Variants in ZNF385D observed in about 807,000 individuals in gnomAD.
The protein encoded by ZNF385D is zinc finger protein 659.
Under a neutral mutation model 35.8 loss-of-function variants are expected in ZNF385D, and 15 were observed. The observed-to-expected ratio is 0.42, with a 90% confidence interval of 0.28 to 0.64. The LOEUF (loss-of-function observed/expected upper bound fraction) is 0.64. Among genes scored for constraint, ZNF385D ranks in the 30% least tolerant of loss-of-function variants. The pLI is 0.23. For synonymous variants in ZNF385D, 212 were observed against 186.8 expected (o/e 1.13, Z -1.10); for missense variants, 474 against 494.6 (o/e 0.96, Z 0.39).
intron 2 of ZNF385D, among the ~76,000 whole-genome samples, chr3:22,202,550 C>A (rs945299994): frequency 1.3e-5 from 2 of 152,068 alleles, no homozygotes; most frequent in African/African-American, 4.8e-5. Context: ...CCAAATGGAA[C>A]AACTTTCTGT....
chr3:21,749,200 G>T (rs1260889507), intron 1 of ZNF385D, among the ~76,000 whole-genome samples: 1 of 152,100 alleles, frequency 6.6e-6, no homozygotes, highest in African/African-American at 2.4e-5. Flanking sequence ...ATTACACAAT[G>T]AAATTGATTA....
At chr3:21,923,935 G>A (rs1466348818) in intron 3 of ZNF385D, among the ~76,000 whole-genome samples, 1 of 152,048 alleles carries the variant, frequency 6.6e-6, no homozygotes, top group African/African-American at 2.4e-5. Context: ...TGTACCTCCT[G>A]AATTTAAAAT....
At chr3:22,133,354 T>C (rs1703912075) in intron 3 of ZNF385D, among the ~76,000 whole-genome samples, 1 of 151,990 alleles carries the variant, frequency 6.6e-6, no homozygotes, top group South Asian at 2.1e-4. Context: ...ACATAAACTC[T>C]CTATATCTCT....
chr3:21,971,807 G>A (rs1703277067), intron 3 of ZNF385D, among the ~76,000 whole-genome samples: 1 of 151,872 alleles, frequency 6.6e-6, no homozygotes. Flanking sequence ...AAAAGAGCAG[G>A]AGTGGCTATC....
At chr3:21,499,278 C>T (rs1374734472) in intron 4 of ZNF385D, among the ~76,000 whole-genome samples, 1 of 152,048 alleles carries the variant, frequency 6.6e-6, no homozygotes, top group Non-Finnish European at 1.5e-5. Flanking sequence ...TACATATACA[C>T]CATGGAATAC....
intron 3 of ZNF385D, among the ~76,000 whole-genome samples, chr3:21,944,831 T>C (rs907973138): frequency 2.0e-5 from 3 of 152,110 alleles, no homozygotes; most frequent in African/African-American, 7.2e-5. Context: ...GCAAATTCAT[T>C]GATGAATAAA....
chr3:21,564,321 A>AAAAT (rs894502273), intron 3 of ZNF385D, among the ~76,000 whole-genome samples: 13 of 152,276 alleles, frequency 8.5e-5, no homozygotes, highest in East Asian at 5.8e-4. Flanking sequence ...AAAAGACTAA[A>AAAAT]AAATAAATAA....
chr3:21,771,373 G>A (rs371641016), intron 3 of ZNF385D, among the ~76,000 whole-genome samples: 36 of 151,854 alleles, frequency 2.4e-4, no homozygotes, highest in Non-Finnish European at 3.8e-4. Flanking sequence ...CTGGGGAAAG[G>A]GGTAATAGAA....
At chr3:22,078,312 T>C (rs1700571568) in intron 3 of ZNF385D, among the ~76,000 whole-genome samples, 1 of 152,056 alleles carries the variant, frequency 6.6e-6, no homozygotes, top group Non-Finnish European at 1.5e-5. Context: ...AATGACTGCA[T>C]CGCATTGCAA....
intron 3 of ZNF385D, among the ~76,000 whole-genome samples, chr3:22,012,768 C>T (rs1436409563): frequency 1.3e-5 from 2 of 152,084 alleles, no homozygotes; most frequent in Admixed American, 1.3e-4. Flanking sequence ...GAACATTCTC[C>T]ATAAGCTGCT....
rs576509262 is a variant in ZNF385D, at chr3:21,702,408, G to C, written c.23-37380C>G. Reference sequence around the variant, plus strand: ...TAGGGTGCCACAGCACGGGAACCCTGGGCCCGGCCCATGAAACCACATTTT... The same window carrying C: ...TAGGGTGCCACAGCACGGGAACCCTCGGCCCGGCCCATGAAACCACATTTT... On this transcript the variant is annotated intron_variant, in intron 1 of 7. Coordinates refer to ENST00000281523, the MANE Select transcript of ZNF385D (RefSeq NM_024697.3). 5.9e-5 allele frequency among the ~76,000 whole-genome samples: 9 copies of C among 152,300 alleles called. No homozygotes were observed. In the South Asian group the frequency reaches 1.7e-3, roughly 28 times the overall value.
chr3:22,086,346 T>G (rs1325564944), intron 3 of ZNF385D, among the ~76,000 whole-genome samples: 1 of 152,198 alleles, frequency 6.6e-6, no homozygotes. Context: ...ATAAGCAACT[T>G]CAGCAAAGTC....
chr3:21,606,371 C>T (rs2064483697), intron 2 of ZNF385D, among the ~76,000 whole-genome samples: 1 of 152,186 alleles, frequency 6.6e-6, no homozygotes, highest in Non-Finnish European at 1.5e-5. Context: ...CTCTCCTCCA[C>T]TAAATGCTTT....
intron 3 of ZNF385D, among the ~76,000 whole-genome samples, chr3:22,041,965 C>G (rs66895926): frequency 0.11 from 16,488 of 152,118 alleles, 1,178 homozygotes; most frequent in South Asian, 0.26. Flanking sequence ...TGAATTAAGA[C>G]CAGTATAAAC....
intron 3 of ZNF385D, among the ~76,000 whole-genome samples, chr3:21,997,872 C>CGTGTGT (rs751459423): frequency 4.4e-5 from 4 of 90,144 alleles, no homozygotes; most frequent in Non-Finnish European, 9.1e-5. Flanking sequence ...CGCGCGCGCG[C>CGTGTGT]GTGTGTGTGT....
intron 2 of ZNF385D, among the ~76,000 whole-genome samples, chr3:22,217,825 C>G (rs1036568751): frequency 6.6e-6 from 1 of 151,958 alleles, no homozygotes; most frequent in Non-Finnish European, 1.5e-5. Context: ...AATGATTTTA[C>G]CTGTACAATA....
intron 3 of ZNF385D, among the ~76,000 whole-genome samples, chr3:22,038,030 GA>G (rs1311490160): frequency 6.6e-6 from 1 of 152,066 alleles, no homozygotes; most frequent in African/African-American, 2.4e-5. Context: ...GCCATATGTA[GA>G]AAGCTGAAAC....
At chr3:21,730,315 G>A (rs1374968217) in intron 1 of ZNF385D, among the ~76,000 whole-genome samples, 1 of 152,184 alleles carries the variant, frequency 6.6e-6, no homozygotes, top group Non-Finnish European at 1.5e-5. Context: ...GTTCCCCAAA[G>A]GGGAAAAGAC....
intron 2 of ZNF385D, among the ~76,000 whole-genome samples, chr3:22,196,603 C>T (rs1447656404): frequency 6.6e-6 from 1 of 151,634 alleles, no homozygotes; most frequent in Non-Finnish European, 1.5e-5. Context: ...AATATCTTTC[C>T]TCTACTTATT....
Sources: gnomAD v4.1 joint callset for allele counts (sites outside exome capture counted in the v4.1 genomes callset) on GRCh38, gnomAD v4.1.1 for gene constraint, MANE v1.5 for transcripts, NCBI Gene and HGNC (gene_info 2026-07-23, HGNC 2026-07-21) for gene names.